The following PAK2 variants were observed in gnomAD, a reference collection of about 807,000 sequenced individuals.
PAK2 encodes p21 (RAC1) activated kinase 2.
PAK2 carries 21 observed loss-of-function variants against 65.9 expected under a neutral mutation model. The observed-to-expected ratio is 0.32, with a 90% CI of 0.23 to 0.46. The LOEUF is 0.46. Ranked by LOEUF, PAK2 falls within the 20% of genes least tolerant of loss-of-function variation. The probability of loss-of-function intolerance (pLI) is 1.00; values close to 1 mark genes in which losing one functional copy is unlikely to be tolerated. For synonymous variants in PAK2, 204 were observed against 219.7 expected, an observed-to-expected ratio of 0.93 and a Z score of 0.63; for missense variants, 324 against 642.6, an observed-to-expected ratio of 0.50 and a Z score of 5.36.
At chr3:196,772,003 G>A (rs1714376014) in intron 1 of PAK2, among the ~76,000 whole-genome samples, 1 of 152,084 alleles carries the variant, frequency 6.6e-6, no homozygotes, top group Non-Finnish European at 1.5e-5. Context: ...TGAAAGTTCT[G>A]TATGGTGTTT....
At chr3:196,746,956 T>A (rs1466700621) in intron 1 of PAK2, among the ~76,000 whole-genome samples, 2 of 152,194 alleles carry the variant, frequency 1.3e-5, no homozygotes, top group African/African-American at 2.4e-5. Context: ...AATCTGTTAC[T>A]ATATAGGTGT....
chr3:196,802,659 A>G (rs1203551700), intron 3 of PAK2, among the ~76,000 whole-genome samples: 1 of 152,070 alleles, frequency 6.6e-6, no homozygotes, highest in African/African-American at 2.4e-5. Flanking sequence ...CCTGGCTAAC[A>G]TGGTGAAACC....
intron 1 of PAK2, among the ~76,000 whole-genome samples, chr3:196,758,467 C>T (rs1713838064): frequency 1.3e-5 from 2 of 152,100 alleles, no homozygotes; most frequent in African/African-American, 4.8e-5. Context: ...GCGAAAGCTT[C>T]AGATGGCAAT....
chr3:196,744,399 G>C lies in PAK2; in HGVS notation c.-22+4242G>C, dbSNP rs562866266. ...TATTTATTATAAAAGGTTCAAACAA[G>C]TCAATTAAATATTTAAAGAGTGAAA... On this transcript the variant is annotated intron_variant, in intron 1 of 14. Transcript: ENST00000327134. Among the ~76,000 whole-genome samples the C allele has an allele frequency of 1.4e-4, 22 of 152,132 alleles. No individual in the cohort carries two copies. The East Asian group carries it at 4.2e-3, about 29-fold the overall frequency.
intron 11 of PAK2, among the ~76,000 whole-genome samples, chr3:196,815,555 G>A (rs545263258): frequency 1.1e-4 from 17 of 151,606 alleles, no homozygotes; most frequent in South Asian, 2.1e-4. Flanking sequence ...TTGGGAGGCC[G>A]AGGCGGGCAG....
At chr3:196,757,015 C>G (rs1291699374) in intron 1 of PAK2, among the ~76,000 whole-genome samples, 1 of 152,212 alleles carries the variant, frequency 6.6e-6, no homozygotes, top group Non-Finnish European at 1.5e-5. Flanking sequence ...TTATTCCTGA[C>G]ACAGGTAGCC....
At position 196,828,304 on chromosome 3, in the gene PAK2, CCTT is replaced by C. The variant is rs1560121875; in HGVS notation, c.1489-11_1489-9del. The C allele has an allele frequency of 1.3e-6, 2 of 1,518,548 alleles. No homozygotes were observed. Among genetic ancestry groups the C allele is most frequent in the East Asian group, 2.3e-5 (1 of 44,336 alleles). 94.1% of individuals were successfully genotyped at this position (1,518,548 alleles called of 1,614,324 possible). A position where few individuals can be genotyped will look rare whatever the true frequency, so the allele number is the denominator to read the frequency against. ...ATGGCACTTATACATTTATTTTTCC[CCTT>C]CTTTCTGGCAGCATCCTTTCCTGAA... On this transcript the variant is annotated splice_polypyrimidine_tract_variant and intron_variant, in intron 14 of 14. Coordinates refer to ENST00000327134, the MANE Select transcript of PAK2 (RefSeq NM_002577.4).
At chr3:196,768,994 TC>T (rs1714273390) in intron 1 of PAK2, among the ~76,000 whole-genome samples, 1 of 151,970 alleles carries the variant, frequency 6.6e-6, no homozygotes, top group Non-Finnish European at 1.5e-5. Flanking sequence ...AGGGTCTTGC[TC>T]TGTTACCCAG....
At chr3:196,784,022 G>A (rs1714801025) in intron 2 of PAK2, among the ~76,000 whole-genome samples, 1 of 152,112 alleles carries the variant, frequency 6.6e-6, no homozygotes, top group Non-Finnish European at 1.5e-5. Context: ...AATGTTGAAT[G>A]TACATCTTAC....
intron 1 of PAK2, among the ~76,000 whole-genome samples, chr3:196,741,265 T>C (rs1260531624): frequency 1.3e-5 from 2 of 152,166 alleles, no homozygotes; most frequent in Non-Finnish European, 2.9e-5. Flanking sequence ...AAGAATTTGC[T>C]CTGGGGATTT....
At chr3:196,749,598 C>T (rs1713502656) in intron 1 of PAK2, among the ~76,000 whole-genome samples, 1 of 151,952 alleles carries the variant, frequency 6.6e-6, no homozygotes, top group African/African-American at 2.4e-5. Flanking sequence ...CATAAGTTTT[C>T]AGCTGATTTG....
chr3:196,802,008 C>G lies in PAK2; in HGVS notation c.269C>G (p.Ala90Gly). The G allele has an allele frequency of 1.3e-6, 2 of 1,585,890 alleles. No homozygotes were observed. Among genetic ancestry groups the G allele is most frequent in the Non-Finnish European group, 1.7e-6 (2 of 1,154,208 alleles). ...FEHTIHVGFD[A>G]VTGEFTGMPE... ...CACACCATCCATGTTGGCTTTGATG[C>G]TGTTACTGGAGAATTCACTGTAAGT... The change falls in exon 3 of 15, where the codon GCT (alanine) becomes GGT (glycine). Residue 90 changes from alanine (A) to glycine (G), a missense_variant. Around this residue, in one of 5 missense-constraint regions of PAK2, gnomAD observed 20 missense variants for 99.9 expected, o/e 0.20. Coordinates refer to ENST00000327134, the MANE Select transcript of PAK2 (RefSeq NM_002577.4).
At chr3:196,751,579 G>A (rs1000402513) in intron 1 of PAK2, among the ~76,000 whole-genome samples, 4 of 148,328 alleles carry the variant, frequency 2.7e-5, no homozygotes, top group Admixed American at 6.8e-5. Context: ...CCCAGAGGGC[G>A]GAGGTTGCAG....
At chr3:196,773,109 T>G (rs547434067) in intron 1 of PAK2, among the ~76,000 whole-genome samples, 26 of 152,290 alleles carry the variant, frequency 1.7e-4, no homozygotes, top group African/African-American at 5.3e-4. Context: ...AGGAATTGTT[T>G]GTGTTTGAGT....
chr3:196,826,570 C>G (rs569024735), intron 13 of PAK2, among the ~76,000 whole-genome samples: 14 of 151,538 alleles, frequency 9.2e-5, no homozygotes, highest in African/African-American at 3.4e-4. Flanking sequence ...GAAACCTAAA[C>G]AGGATGGTCA....
chr3:196,830,895 TA>T lies in PAK2; in HGVS notation c.*2491del, dbSNP rs1312900539. ...AATCAAGATTCATGTTTTTTATTTT[TA>T]TTTTTTTTGATACAGAGTCTCACTC... On this transcript the variant is annotated 3_prime_UTR_variant, in exon 15 of 15. Coordinates refer to ENST00000327134, the MANE Select transcript of PAK2 (RefSeq NM_002577.4). 5 of 151,784 alleles carry T rather than the reference TA, an allele frequency of 3.3e-5. No individual in the cohort carries two copies. The highest frequency in any genetic ancestry group is 9.7e-5 in the African/African-American group (4 of 41,044). The allele number at this position is 151,784 out of a possible 1,614,324, so 9.4% of individuals were successfully genotyped here.
At chr3:196,786,166 C>CT (rs201222000) in intron 2 of PAK2, among the ~76,000 whole-genome samples, 31,127 of 142,250 alleles carry the variant, frequency 0.22, 3,631 homozygotes, top group African/African-American at 0.28. Context: ...ATCAATTTCT[C>CT]TTTTTTTTTT....
intron 1 of PAK2, among the ~76,000 whole-genome samples, chr3:196,759,498 GTTTTTTTTT>G (rs71301221): frequency 3.1e-4 from 33 of 108,154 alleles, no homozygotes; most frequent in African/African-American, 1.1e-3. Flanking sequence ...GGTTTTTTTT[GTTTTTTTTT>G]TTTTTTTTTT....
chr3:196,746,532 C>A (rs843537), intron 1 of PAK2, among the ~76,000 whole-genome samples: 70,865 of 151,940 alleles, frequency 0.47, 16,983 homozygotes, highest in Non-Finnish European at 0.53. Flanking sequence ...TAAGAATAGG[C>A]CGGGCACAGT....
Sources: allele counts gnomAD v4.1 joint callset (sites outside exome capture counted in the v4.1 genomes callset), GRCh38; gene constraint gnomAD v4.1.1; regional missense constraint gnomAD v4.1.1; transcripts MANE v1.5; gene names NCBI Gene and HGNC (gene_info 2026-07-23, HGNC 2026-07-21).